ATG10: variants seen among roughly 807,000 people sequenced by gnomAD.
ATG10 encodes the protein ubiquitin-like-conjugating enzyme ATG10.
A neutral mutation model predicts 32.1 loss-of-function variants in ATG10; 30 were observed. That is an observed-to-expected ratio of 0.94 (90% CI 0.70 to 1.27). The LOEUF (loss-of-function observed/expected upper bound fraction) is 1.27. Among genes scored for constraint, ATG10 ranks in the 50% most tolerant of loss-of-function variants. The probability of loss-of-function intolerance (pLI) is 0.00; values close to 1 mark genes in which losing one functional copy is unlikely to be tolerated. For missense variants in ATG10, 233 were observed against 262.3 expected (o/e 0.89, Z 0.77); for synonymous variants, 87 against 91.5 (o/e 0.95, Z 0.28).
At chr5:82,061,847 G>A (rs1351020505) in intron 3 of ATG10, among the ~76,000 whole-genome samples, 1 of 118,798 alleles carries the variant, frequency 8.4e-6, no homozygotes, top group Admixed American at 9.8e-5. Context: ...TTTTTTACAG[G>A]CAGGGTCTTG....
intron 3 of ATG10, among the ~76,000 whole-genome samples, chr5:82,149,985 G>A (rs1767525690): frequency 6.6e-6 from 1 of 151,966 alleles, no homozygotes; most frequent in African/African-American, 2.4e-5. Context: ...TAGAAGTTGA[G>A]GTTCTTGACA....
intron 5 of ATG10, among the ~76,000 whole-genome samples, chr5:82,250,964 A>T (rs1747233774): frequency 6.6e-6 from 1 of 152,228 alleles, no homozygotes; most frequent in South Asian, 2.1e-4. Flanking sequence ...AGGGATGGGA[A>T]TGAAGGTTGG....
At chr5:82,135,705 G>A (rs184160341) in intron 3 of ATG10, among the ~76,000 whole-genome samples, 108 of 152,296 alleles carry the variant, frequency 7.1e-4, no homozygotes, top group African/African-American at 1.8e-3. Flanking sequence ...GTTGATTTGG[G>A]GTGGAGAGTT....
chr5:82,042,936 G>A (rs1427150881), intron 2 of ATG10, among the ~76,000 whole-genome samples: 1 of 152,106 alleles, frequency 6.6e-6, no homozygotes, highest in African/African-American at 2.4e-5. Context: ...GCAAGCTCTT[G>A]GTGGATCTAC....
Position 81,998,930 on chromosome 5 carries a change from A to G in ATG10, c.108+11252A>G, listed in dbSNP as rs1006237124. 1.6e-4 allele frequency among the ~76,000 whole-genome samples: 24 copies of G among 152,326 alleles called. 1 individual carries two copies. The highest frequency in any genetic ancestry group is 1.2e-3 in the Admixed American group (19 of 15,304). On this transcript the variant is annotated intron_variant, in intron 2 of 7. Transcript: ENST00000282185. The stretch of plus-strand genomic sequence containing the variant: ...ACAAAGAGACTTAGATAACCACACA[A>G]TAATAGCAGGAGACTTTAACACCCC...
chr5:82,085,438 A>G (rs1238072222), intron 3 of ATG10, among the ~76,000 whole-genome samples: 4 of 145,984 alleles, frequency 2.7e-5, no homozygotes, highest in East Asian at 4.4e-4. Flanking sequence ...CAGAAAGTCA[A>G]CAAGGATATC....
intron 2 of ATG10, among the ~76,000 whole-genome samples, chr5:82,010,906 T>C (rs1275026792): frequency 6.6e-6 from 1 of 152,166 alleles, no homozygotes; most frequent in Non-Finnish European, 1.5e-5. Context: ...TATAGGACAG[T>C]CTTATTTTCT....
At chr5:82,190,196 T>A (rs1045539405) in intron 5 of ATG10, among the ~76,000 whole-genome samples, 57 of 152,100 alleles carry the variant, frequency 3.7e-4, no homozygotes, top group African/African-American at 1.3e-3. Flanking sequence ...TTTTTCTGAT[T>A]GAAAAAATAA....
At chr5:81,978,687 G>A (rs1217627801) in intron 1 of ATG10, among the ~76,000 whole-genome samples, 1 of 152,086 alleles carries the variant, frequency 6.6e-6, no homozygotes, top group Admixed American at 6.6e-5. Flanking sequence ...TTTAGAGACA[G>A]GATCTTGCTG....
intron 3 of ATG10, among the ~76,000 whole-genome samples, chr5:82,117,522 G>A (rs1005788924): frequency 2.0e-5 from 3 of 151,950 alleles, no homozygotes; most frequent in African/African-American, 7.2e-5. Flanking sequence ...ATCCTGGTTG[G>A]TACTGATCCA....
chr5:81,993,087 A>G (rs958391175), intron 2 of ATG10, among the ~76,000 whole-genome samples: 2 of 152,120 alleles, frequency 1.3e-5, no homozygotes, highest in Non-Finnish European at 2.9e-5. Flanking sequence ...AGTGGTTAAG[A>G]GCATGGTCTT....
At chr5:82,071,106 C>T (rs1231703467) in intron 3 of ATG10, among the ~76,000 whole-genome samples, 3 of 152,110 alleles carry the variant, frequency 2.0e-5, no homozygotes, top group African/African-American at 4.8e-5. Flanking sequence ...TTGAACATCT[C>T]CCCTAACTCA....
chr5:82,208,969 T>C lies in ATG10; in HGVS notation c.453+30382T>C, dbSNP rs150577991. On this transcript the variant is annotated intron_variant, in intron 5 of 7. Coordinates refer to ENST00000282185, the MANE Select transcript of ATG10 (RefSeq NM_031482.5). ...AATTAGCCTGCAATTTTTTTTCTTATAATGTCCTTGTCAATTTTAGAGATC... is the reference window on the plus strand; with the variant it reads ...AATTAGCCTGCAATTTTTTTTCTTACAATGTCCTTGTCAATTTTAGAGATC... Among the ~76,000 whole-genome samples the C allele has an allele frequency of 2.3e-3, 351 of 152,330 alleles. 3 individuals carry two copies. The highest frequency in any genetic ancestry group is 8.1e-3 in the African/African-American group (338 of 41,584).
chr5:81,980,306 C>T (rs542349555), intron 1 of ATG10, among the ~76,000 whole-genome samples: 2 of 152,150 alleles, frequency 1.3e-5, no homozygotes, highest in Non-Finnish European at 2.9e-5. Context: ...CAAGCTTTCC[C>T]TCTTCCTGTT....
At chr5:82,115,056 A>C (rs533758698) in intron 3 of ATG10, among the ~76,000 whole-genome samples, 3 of 152,224 alleles carry the variant, frequency 2.0e-5, no homozygotes, top group African/African-American at 7.2e-5. Context: ...TTATATTGAA[A>C]AGCACAGTTT....
intron 5 of ATG10, among the ~76,000 whole-genome samples, chr5:82,224,846 G>A (rs1746056349): frequency 6.6e-6 from 1 of 152,154 alleles, no homozygotes; most frequent in South Asian, 2.1e-4. Context: ...TTTGAAGTAA[G>A]GATGATATTC....
intron 2 of ATG10, among the ~76,000 whole-genome samples, chr5:82,004,344 GAAGTTTTATA>G (rs1316593521): frequency 6.6e-6 from 1 of 152,108 alleles, no homozygotes; most frequent in Non-Finnish European, 1.5e-5. Flanking sequence ...TACACTTTCT[GAAGTTTTATA>G]ACATGAATCA....
At chr5:82,056,727 A>G (rs1763614520) in intron 2 of ATG10, among the ~76,000 whole-genome samples, 1 of 152,160 alleles carries the variant, frequency 6.6e-6, no homozygotes, top group South Asian at 2.1e-4. Context: ...AACAGTAGCC[A>G]ATGCTCCTCT....
At position 82,191,027 on chromosome 5, in the gene ATG10, A is replaced by C. The variant is rs142999734; in HGVS notation, c.453+12440A>C. On this transcript the variant is annotated intron_variant, in intron 5 of 7. Transcript: ENST00000282185. ...TTTAAAGGTTTTGTTAGATATTCCC[A>C]TATCAATCTCAGAAAAGATGTACTA... is the stretch of plus-strand genomic sequence containing the variant. Among the ~76,000 whole-genome samples the C allele has an allele frequency of 3.4e-3, 523 of 152,280 alleles. 2 individuals carry two copies. The highest frequency in any genetic ancestry group is 0.012 in the African/African-American group (500 of 41,560).
Sources: allele counts gnomAD v4.1 joint callset (sites outside exome capture counted in the v4.1 genomes callset), GRCh38; gene constraint gnomAD v4.1.1; transcripts MANE v1.5; gene names NCBI Gene and HGNC (gene_info 2026-07-23, HGNC 2026-07-21).